Variants in AKT3 observed in about 807,000 individuals in gnomAD.
AKT3 encodes RAC-gamma serine/threonine-protein kinase.
Under a neutral mutation model 65.3 loss-of-function variants are expected in AKT3, and 15 were observed. The observed-to-expected ratio is 0.23, with a 90% confidence interval of 0.15 to 0.35. The LOEUF (loss-of-function observed/expected upper bound fraction) is 0.35. AKT3 is among the 10% of genes least tolerant of loss of function. The pLI, the probability that AKT3 is intolerant of heterozygous loss-of-function variation, is 1.00. For missense variants in AKT3, 243 were observed against 576.5 expected (o/e 0.42, Z 5.92); for synonymous variants, 206 against 183.8 (o/e 1.12, Z -0.98).
At chr1:243,667,923 TC>T (rs1216108858) in intron 3 of AKT3, among the ~76,000 whole-genome samples, 1 of 151,998 alleles carries the variant, frequency 6.6e-6, no homozygotes, top group Non-Finnish European at 1.5e-5. Flanking sequence ...TAACATTCTT[TC>T]CCCCCTCACA....
chr1:243,711,185 G>A (rs1480283337), intron 2 of AKT3, among the ~76,000 whole-genome samples: 1 of 152,118 alleles, frequency 6.6e-6, no homozygotes, highest in Non-Finnish European at 1.5e-5. Flanking sequence ...CAGGTGTGGT[G>A]GCACGTGCCT....
chr1:243,644,391 G>T (rs1479484447), intron 5 of AKT3, among the ~76,000 whole-genome samples: 1 of 152,048 alleles, frequency 6.6e-6, no homozygotes, highest in Non-Finnish European at 1.5e-5. Context: ...GAGGAGTTCA[G>T]ATCTTACTGC....
intron 13 of AKT3, among the ~76,000 whole-genome samples, chr1:243,491,749 G>A (rs1224086772): frequency 6.6e-6 from 1 of 152,188 alleles, no homozygotes; most frequent in Non-Finnish European, 1.5e-5. Context: ...TGCCGCCTGA[G>A]GGCTCCGGAG....
intron 3 of AKT3, among the ~76,000 whole-genome samples, chr1:243,682,209 T>G (rs1360916837): frequency 6.6e-6 from 1 of 152,076 alleles, no homozygotes; most frequent in Admixed American, 6.6e-5. Context: ...GTAAATACAC[T>G]ACAGTTGCCT....
rs550098673 is a variant in AKT3, at chr1:243,835,804, A to G, written c.46+7321T>C. Among the ~76,000 whole-genome samples, 7 of 152,124 alleles carry G rather than the reference A, an allele frequency of 4.6e-5. No homozygotes were observed. The South Asian group carries it at 1.5e-3, about 32-fold the overall frequency. On this transcript the variant is annotated intron_variant, in intron 2 of 13. Transcript: ENST00000673466. ...AATTCAATTAACTCAAAAGAAGATAAGAAAGTATGAAGAGAGGTATTTTTT... is the reference window on the plus strand; with the variant it reads ...AATTCAATTAACTCAAAAGAAGATAGGAAAGTATGAAGAGAGGTATTTTTT...
intron 2 of AKT3, among the ~76,000 whole-genome samples, chr1:243,802,979 T>C (rs1215199136): frequency 6.6e-6 from 1 of 151,900 alleles, no homozygotes; most frequent in East Asian, 1.9e-4. Flanking sequence ...CAAGACCCCA[T>C]CTCTACAAAA....
chr1:243,563,012 CTT>C (rs1377513578), intron 10 of AKT3, among the ~76,000 whole-genome samples: 1 of 152,088 alleles, frequency 6.6e-6, no homozygotes, highest in African/African-American at 2.4e-5. Flanking sequence ...TTTAATCTTG[CTT>C]TTTTGTTTGT....
chr1:243,532,859 A>C (rs2148416923), intron 12 of AKT3, among the ~76,000 whole-genome samples: 1 of 152,218 alleles, frequency 6.6e-6, no homozygotes, highest in Middle Eastern at 3.4e-3. Flanking sequence ...TTTTCAATTT[A>C]TTCTTAAGTC....
chr1:243,518,861 T>G (rs1477965409), intron 12 of AKT3, among the ~76,000 whole-genome samples: 2 of 152,170 alleles, frequency 1.3e-5, no homozygotes, highest in Non-Finnish European at 2.9e-5. Context: ...GGATCAAGTT[T>G]GAGGGACTAA....
rs1025660308 is a variant in AKT3 at position 243,740,615 on chromosome 1, T to C, written c.47-44899A>G. The C allele has an allele frequency of 2.6e-5, 4 of 152,386 alleles. No homozygotes were observed. The South Asian group carries it at 6.2e-4, about 24-fold the overall frequency. The allele number at this position is 152,386 out of a possible 1,614,324, so 9.4% of individuals were successfully genotyped here. On this transcript the variant is annotated intron_variant, in intron 2 of 13. Transcript: ENST00000673466. ...GGAACACTCATTAGCTTACCTGTTG[T>C]CTATGGCTGTTTTCTTGCATCACAA...
intron 8 of AKT3, among the ~76,000 whole-genome samples, chr1:243,604,460 A>G (rs1425042056): frequency 6.6e-6 from 1 of 152,106 alleles, no homozygotes; most frequent in Non-Finnish European, 1.5e-5. Flanking sequence ...TGCATTATCC[A>G]CACTGTGCTA....
At chr1:243,593,027 C>T (rs766115231) in intron 8 of AKT3, among the ~76,000 whole-genome samples, 3 of 152,076 alleles carry the variant, frequency 2.0e-5, no homozygotes, top group Admixed American at 6.6e-5. Flanking sequence ...AAGTTAAATA[C>T]GAGTTTATAG....
At chr1:243,705,309 A>T (rs542758553) in intron 2 of AKT3, among the ~76,000 whole-genome samples, 1 of 152,164 alleles carries the variant, frequency 6.6e-6, no homozygotes, top group African/African-American at 2.4e-5. Flanking sequence ...TTGAATACCA[A>T]CCACAAGATG....
intron 8 of AKT3, among the ~76,000 whole-genome samples, chr1:243,589,921 A>G (rs1426616092): frequency 2.0e-5 from 3 of 152,240 alleles, no homozygotes; most frequent in Non-Finnish European, 4.4e-5. Context: ...AGCCATAAAA[A>G]GAAGGAAGTC....
intron 2 of AKT3, among the ~76,000 whole-genome samples, chr1:243,791,934 G>T (rs1031495135): frequency 6.6e-6 from 1 of 152,152 alleles, no homozygotes; most frequent in Non-Finnish European, 1.5e-5. Flanking sequence ...AGTTTTTGTT[G>T]TTTTAGCAAA....
At chr1:243,514,598 G>A (rs962580120) in intron 12 of AKT3, among the ~76,000 whole-genome samples, 7 of 152,044 alleles carry the variant, frequency 4.6e-5, no homozygotes, top group African/African-American at 7.2e-5. Flanking sequence ...TAAGTTCCAC[G>A]AGGGCAAGGA....
intron 2 of AKT3, among the ~76,000 whole-genome samples, chr1:243,836,466 A>G (rs529534081): frequency 6.6e-6 from 1 of 151,954 alleles, no homozygotes; most frequent in Non-Finnish European, 1.5e-5. Flanking sequence ...TCACAGAACT[A>G]GAGGAAAAAA....
intron 2 of AKT3, among the ~76,000 whole-genome samples, chr1:243,808,547 C>T (rs1266231012): frequency 5.3e-5 from 8 of 152,152 alleles, no homozygotes; most frequent in Admixed American, 1.3e-4. Context: ...ACCAAATCTA[C>T]GTCTGATTGG....
intron 2 of AKT3, among the ~76,000 whole-genome samples, chr1:243,778,267 A>C (rs1690682660): frequency 6.6e-6 from 1 of 152,222 alleles, no homozygotes; most frequent in African/African-American, 2.4e-5. Context: ...ATCTGTGTCT[A>C]AGTACAATAA....
Sources: gnomAD v4.1 joint callset for allele counts (sites outside exome capture counted in the v4.1 genomes callset) on GRCh38, gnomAD v4.1.1 for gene constraint, MANE v1.5 for transcripts, NCBI Gene and HGNC (gene_info 2026-07-23, HGNC 2026-07-21) for gene names.